The following LYSMD2 variants were observed in gnomAD, a reference collection of about 807,000 sequenced individuals.
LYSMD2 encodes the protein LysM domain containing 2.
Under a neutral mutation model 17.7 loss-of-function variants are expected in LYSMD2, and 6 were observed. The ratio of observed to expected loss-of-function variants is 0.34; its 90% CI spans 0.19 to 0.67. The LOEUF (loss-of-function observed/expected upper bound fraction) is 0.67, where lower values mean the gene tolerates loss of function less well. LYSMD2 is among the 30% of genes least tolerant of loss of function. LYSMD2 has a pLI of 0.69. For synonymous variants in LYSMD2, 102 were observed against 129.8 expected, an observed-to-expected ratio of 0.79 and a Z score of 1.45; for missense variants, 237 against 286.7, an observed-to-expected ratio of 0.83 and a Z score of 1.25.
intron 1 of LYSMD2, among the ~76,000 whole-genome samples, chr15:51,744,989 G>A (rs562233046): frequency 7.9e-5 from 12 of 152,072 alleles, no homozygotes; most frequent in Non-Finnish European, 1.5e-4. Flanking sequence ...ATGAACAACT[G>A]TGTGACAACA....
intron 1 of LYSMD2, among the ~76,000 whole-genome samples, chr15:51,730,577 G>A (rs1356895045): frequency 6.6e-6 from 1 of 152,148 alleles, no homozygotes; most frequent in Non-Finnish European, 1.5e-5. Flanking sequence ...AATTCACAAA[G>A]CATCCCTCCA....
intron 1 of LYSMD2, among the ~76,000 whole-genome samples, chr15:51,727,892 G>A (rs754217162): frequency 1.3e-4 from 20 of 152,192 alleles, no homozygotes; most frequent in Non-Finnish European, 2.2e-4. Context: ...GAACACCAGG[G>A]ATATTCAGAC....
At chr15:51,723,705 A>T in intron 2 of LYSMD2, 56 bp from the exon 3 acceptor site, 1 of 1,285,490 alleles carries the variant, frequency 7.8e-7, no homozygotes, top group South Asian at 1.4e-5. Context: ...GCAGAAAACT[A>T]AAACATCAAC....
chr15:51,748,409 T>C (rs543447873), intron 1 of LYSMD2, among the ~76,000 whole-genome samples: 2 of 152,138 alleles, frequency 1.3e-5, no homozygotes, highest in South Asian at 2.1e-4. Context: ...TATATGATAA[T>C]ATCCCATCAC....
At chr15:51,750,612 CA>C (rs1032522358) in intron 1 of LYSMD2, among the ~76,000 whole-genome samples, 7 of 152,224 alleles carry the variant, frequency 4.6e-5, no homozygotes, top group African/African-American at 1.7e-4. Flanking sequence ...AAATATGCTG[CA>C]AAAGTTCAAG....
At position 51,737,400 on chromosome 15, in the gene LYSMD2, C is replaced by A; in HGVS notation, c.223G>T (p.Val75Phe). 1 of 1,457,468 alleles carries A rather than the reference C, an allele frequency of 6.9e-7. No homozygotes were observed. Among genetic ancestry groups the A allele is most frequent in the South Asian group, 1.3e-5 (1 of 76,110 alleles). 90.3% of individuals were successfully genotyped at this position (1,457,468 alleles called of 1,614,324 possible). The change falls in exon 1 of 3, where the codon GTC (valine) becomes TTC (phenylalanine). Residue 75 changes from valine to phenylalanine, a missense_variant. Val to Phe is a conservative substitution (Grantham distance 50). Coordinates refer to ENST00000267838, the MANE Select transcript of LYSMD2 (RefSeq NM_153374.3). The surrounding 1 kb of genome is among the most constrained non-coding windows in gnomAD (Gnocchi z 4.2). ...GVIERHVEHR[V>F]RAGDTLQGIA... ...CCCTGCAGCGTGTCGCCCGCGCGGA[C>A]CCGGTGCTCCACATGGCGCTCGATG...
chr15:51,728,396 AAC>A (rs61106396), intron 1 of LYSMD2, among the ~76,000 whole-genome samples: 40,625 of 144,598 alleles, frequency 0.28, 5,564 homozygotes, highest in East Asian at 0.36. Context: ...TCCAGGAGAA[AAC>A]ACACACACAC....
chr15:51,724,789 C>T lies in LYSMD2; in HGVS notation c.605+1G>A, dbSNP rs769994300. ...TGACATTTGTACCAGGGTATTCTTA[C>T]CTGCTCTCTTCTTTTAGCTTCTTGG... On this transcript the variant is annotated splice_donor_variant, in intron 2 of 2. Coordinates refer to ENST00000267838, the MANE Select transcript of LYSMD2 (RefSeq NM_153374.3). LOFTEE classifies it high-confidence loss of function. 6 of 1,610,016 alleles carry T rather than the reference C, an allele frequency of 3.7e-6. No homozygotes were observed. The South Asian group carries it at 6.6e-5, about 18-fold the overall frequency.
chr15:51,729,981 T>C (rs2055566368), intron 1 of LYSMD2, among the ~76,000 whole-genome samples: 1 of 152,202 alleles, frequency 6.6e-6, no homozygotes, highest in South Asian at 2.1e-4. Context: ...CCTCTGTTTC[T>C]TAGGGATGGA....
At chr15:51,741,239 T>G (rs566928277), upstream of LYSMD2, among the ~76,000 whole-genome samples, 45 of 152,366 alleles carry the variant, frequency 3.0e-4, no homozygotes, top group African/African-American at 1.1e-3. Context: ...ATATATTGGA[T>G]AACTTAATCT....
Position 51,742,813 on chromosome 15 carries a change from G to A in LYSMD2, c.-1+8458C>T, listed in dbSNP as rs566079879. 3.7e-4 allele frequency among the ~76,000 whole-genome samples: 57 copies of A among 152,170 alleles called. No individual in the cohort carries two copies. In the South Asian group the frequency reaches 8.7e-3, roughly 23 times the overall value. ...TGGTCTCTAAAAAAAATAGAAAGAC[G>A]TAGCCAGTTGTGGTGGCACATGCCT... is the stretch of plus-strand genomic sequence containing the variant. On this transcript the variant is annotated intron_variant, in intron 1 of 2. Coordinates refer to the LYSMD2 transcript ENST00000454181.
At chr15:51,741,434 T>C (rs1378020865), upstream of LYSMD2, among the ~76,000 whole-genome samples, 1 of 152,196 alleles carries the variant, frequency 6.6e-6, no homozygotes, top group East Asian at 1.9e-4. Context: ...AACCTTGGGA[T>C]AGCAAAGGGT....
chr15:51,748,480 TC>T (rs2055680312), intron 1 of LYSMD2, among the ~76,000 whole-genome samples: 1 of 152,162 alleles, frequency 6.6e-6, no homozygotes, highest in South Asian at 2.1e-4. Context: ...TTTCAGTCCA[TC>T]CAAAGAATGT....
intron 1 of LYSMD2, among the ~76,000 whole-genome samples, chr15:51,748,970 T>C (rs553713912): frequency 6.6e-6 from 1 of 152,370 alleles, no homozygotes; most frequent in South Asian, 2.1e-4. Context: ...CACGTTGAAC[T>C]TTTTTCCTTT....
chr15:51,737,435 C>T lies in LYSMD2; in HGVS notation c.188G>A (p.Gly63Asp). 1 of 1,434,444 alleles carries T rather than the reference C, an allele frequency of 7.0e-7. No homozygotes were observed. The highest frequency in any genetic ancestry group is 9.1e-7 in the Non-Finnish European group (1 of 1,097,770). The allele number at this position is 1,434,444 out of a possible 1,614,324, so 88.9% of individuals were successfully genotyped here. ...GSTASVRAPL[G>D]AGVIERHVEH... The stretch of plus-strand genomic sequence containing the variant: ...CACATGGCGCTCGATGACGCCGGCG[C>T]CCAGCGGCGCCCGCACGCTGGCGGT... Residue 63 changes from glycine (G) to aspartate (D), a missense_variant, in exon 1 of 3, where the codon GGC becomes GAC. Coordinates refer to ENST00000267838, the MANE Select transcript of LYSMD2 (RefSeq NM_153374.3). This position sits in a 1 kb window ranked among gnomAD's most constrained non-coding sequence, Gnocchi z 4.2.
At chr15:51,742,108 C>T (rs2055645919), upstream of LYSMD2, among the ~76,000 whole-genome samples, 1 of 151,898 alleles carries the variant, frequency 6.6e-6, no homozygotes, top group African/African-American at 2.4e-5. Context: ...AATCTCCACT[C>T]ACTGCAACCT....
chr15:51,731,172 T>C (rs888471046), intron 1 of LYSMD2, among the ~76,000 whole-genome samples: 4 of 152,174 alleles, frequency 2.6e-5, no homozygotes, highest in Non-Finnish European at 2.9e-5. Flanking sequence ...GCCTCACAAC[T>C]CTGTAAATTT....
At chr15:51,736,897 C>G (rs1171721411) in intron 1 of LYSMD2, among the ~76,000 whole-genome samples, 1 of 152,248 alleles carries the variant, frequency 6.6e-6, no homozygotes, top group Non-Finnish European at 1.5e-5. Context: ...TGCACCATTC[C>G]TGACTCATCA....
intron 1 of LYSMD2, among the ~76,000 whole-genome samples, chr15:51,747,612 A>G (rs919867700): frequency 6.6e-5 from 10 of 152,236 alleles, no homozygotes; most frequent in African/African-American, 1.9e-4. Flanking sequence ...AATTAAGATC[A>G]CACATTACAT....
Sources: gnomAD v4.1 joint callset for allele counts (sites outside exome capture counted in the v4.1 genomes callset) on GRCh38, gnomAD v4.1.1 for gene constraint, Gnocchi (gnomAD v3.1) non-coding constraint, MANE v1.5 for transcripts, NCBI Gene and HGNC (gene_info 2026-07-23, HGNC 2026-07-21) for gene names.